ANKRD44: variants seen among roughly 807,000 people sequenced by gnomAD.
The protein encoded by ANKRD44 is ankyrin repeat domain 44, also known as serine/threonine-protein phosphatase 6 regulatory ankyrin repeat subunit B.
ANKRD44 carries 35 observed loss-of-function variants against 116.0 expected under a neutral mutation model. The observed-to-expected ratio is 0.30, with a 90% CI of 0.23 to 0.40. ANKRD44 has a LOEUF of 0.40. Ranked by LOEUF, ANKRD44 falls within the 10% of genes least tolerant of loss-of-function variation. The probability of loss-of-function intolerance (pLI) is 1.00; values close to 1 mark genes in which losing one functional copy is unlikely to be tolerated. For synonymous variants in ANKRD44, 435 were observed against 461.8 expected (o/e 0.94, Z 0.74); for missense variants, 1,014 against 1,242.6 (o/e 0.82, Z 2.77).
intron 1 of ANKRD44, among the ~76,000 whole-genome samples, chr2:197,270,295 G>T (rs2082862562): frequency 6.6e-6 from 1 of 152,100 alleles, no homozygotes; most frequent in African/African-American, 2.4e-5. Context: ...CAGATGTGGA[G>T]GAGAGAGAAC....
At chr2:197,051,560 C>T (rs766973032) in intron 16 of ANKRD44, among the ~76,000 whole-genome samples, 1 of 152,176 alleles carries the variant, frequency 6.6e-6, no homozygotes, top group Non-Finnish European at 1.5e-5. Flanking sequence ...ACAACACACA[C>T]CCAGCTTATT....
At position 197,129,291 on chromosome 2, in the gene ANKRD44, G is replaced by A. The variant is rs138738905; in HGVS notation, c.262-3254C>T. Among the ~76,000 whole-genome samples the A allele has an allele frequency of 9.4e-3, 1,426 of 152,088 alleles. 6 individuals are homozygous for A. The highest frequency in any genetic ancestry group is 0.013 in the Non-Finnish European group (908 of 67,988). ...TGGGATTATAGGCATGCGCCACCAC[G>A]TCCAGCTAATTTTTTTGTATTTTTA... is the stretch of plus-strand genomic sequence containing the variant. On this transcript the variant is annotated intron_variant, in intron 4 of 27. Coordinates refer to ENST00000282272, the MANE Select transcript of ANKRD44 (RefSeq NM_001195144.2).
At position 196,989,515 on chromosome 2, in the gene ANKRD44, C is replaced by CAG; in HGVS notation, c.*75_*76insCT. 7 of 1,470,052 alleles carry CAG rather than the reference C, an allele frequency of 4.8e-6. No homozygotes were observed. Among genetic ancestry groups the CAG allele is most frequent in the Non-Finnish European group, 6.3e-6 (7 of 1,106,124 alleles). 91.1% of individuals were successfully genotyped at this position (1,470,052 alleles called of 1,614,324 possible). ...GTGTAGCTGGCTGATGAACTACACA[C>CAG]ACACACACATATATATATATATACA... On this transcript the variant is annotated 3_prime_UTR_variant, in exon 28 of 28. Coordinates refer to ENST00000282272, the MANE Select transcript of ANKRD44 (RefSeq NM_001195144.2).
In ANKRD44 at chr2:197,121,563, C is replaced by T; in HGVS notation, c.694-19G>A. The stretch of plus-strand genomic sequence containing the variant: ...CATCAATCTGCAAAAGAGTCCAACA[C>T]AGGGTGATTAAAGTCATTAGAGCCA... On this transcript the variant is annotated intron_variant, in intron 7 of 27. Transcript: ENST00000282272. 5 of 1,608,092 alleles carry T rather than the reference C, an allele frequency of 3.1e-6. No homozygotes were observed. Among genetic ancestry groups the T allele is most frequent in the Non-Finnish European group, 4.3e-6 (5 of 1,175,392 alleles).
At chr2:197,245,271 T>C (rs531028128) in intron 1 of ANKRD44, among the ~76,000 whole-genome samples, 1 of 152,100 alleles carries the variant, frequency 6.6e-6, no homozygotes, top group African/African-American at 2.4e-5. Context: ...ATAATAATAA[T>C]AATACAAATA....
At position 196,988,722 on chromosome 2, in the gene ANKRD44, A is replaced by C. The variant is rs1009113734; in HGVS notation, c.*869T>G. 7.1e-6 allele frequency: 7 copies of C among 985,448 alleles called. No individual in the cohort carries two copies. In the South Asian group the frequency reaches 2.3e-4, roughly 33 times the overall value. The allele number at this position is 985,448 out of a possible 1,614,324, so 61.0% of individuals were successfully genotyped here. ...TAAAACGTCAGAGAGTACTGCTCTA[A>C]TTCGACACATTTCTTTTCTGTCTCT... On this transcript the variant is annotated 3_prime_UTR_variant, in exon 28 of 28. Coordinates refer to ENST00000282272, the MANE Select transcript of ANKRD44 (RefSeq NM_001195144.2).
chr2:197,271,011 C>T (rs896908393), intron 1 of ANKRD44, among the ~76,000 whole-genome samples: 28 of 152,320 alleles, frequency 1.8e-4, no homozygotes, highest in African/African-American at 6.7e-4. Context: ...CGTGCAGCTG[C>T]CCAGGGACCT....
intron 16 of ANKRD44, among the ~76,000 whole-genome samples, chr2:197,060,065 G>T (rs758911558): frequency 2.6e-5 from 4 of 152,158 alleles, no homozygotes; most frequent in Non-Finnish European, 5.9e-5. Flanking sequence ...GTCCCCTAAA[G>T]TCTCACAGCG....
chr2:197,132,402 G>A (rs2079115401), intron 4 of ANKRD44, among the ~76,000 whole-genome samples: 1 of 152,186 alleles, frequency 6.6e-6, no homozygotes. Flanking sequence ...CATAATGTCA[G>A]GCATGGATTC....
chr2:196,979,561 T>C (rs899313336), intron 21 of ANKRD44, among the ~76,000 whole-genome samples: 2 of 137,788 alleles, frequency 1.5e-5, no homozygotes, highest in African/African-American at 5.4e-5. Flanking sequence ...TGACTTTTTT[T>C]TTTTTTTTTT....
chr2:197,205,232 A>T (rs545244277), intron 1 of ANKRD44, among the ~76,000 whole-genome samples: 2 of 152,194 alleles, frequency 1.3e-5, no homozygotes, highest in Non-Finnish European at 2.9e-5. Flanking sequence ...TGCTGGGTCA[A>T]ATGTTATTTC....
At chr2:196,991,588 AT>A (rs537258670) in intron 27 of ANKRD44, among the ~76,000 whole-genome samples, 12 of 149,648 alleles carry the variant, frequency 8.0e-5, no homozygotes, top group Non-Finnish European at 1.2e-4. Flanking sequence ...AATTTAACAA[AT>A]TTTTTTTTTG....
intron 1 of ANKRD44, among the ~76,000 whole-genome samples, chr2:197,231,344 C>T (rs2081858148): frequency 6.6e-6 from 1 of 152,032 alleles, no homozygotes; most frequent in African/African-American, 2.4e-5. Flanking sequence ...GTAAGAAGTT[C>T]ATTGAGCCCA....
chr2:197,013,740 T>C (rs371720315), intron 17 of ANKRD44, 28 bp from the exon 18 acceptor site: 1 of 1,611,024 alleles, frequency 6.2e-7, no homozygotes, highest in South Asian at 1.1e-5. Context: ...ATGGCTCCCA[T>C]GCTTGCTCGC....
At chr2:197,058,745 C>G (rs892012729) in intron 16 of ANKRD44, among the ~76,000 whole-genome samples, 2 of 152,216 alleles carry the variant, frequency 1.3e-5, no homozygotes, top group African/African-American at 4.8e-5. Flanking sequence ...CCATTATCCA[C>G]ATTTGTTAAT....
intron 1 of ANKRD44, among the ~76,000 whole-genome samples, chr2:197,300,467 AC>A (rs1020566866): frequency 2.0e-5 from 3 of 151,980 alleles, no homozygotes; most frequent in Non-Finnish European, 4.4e-5. Context: ...CCTAATCAAT[AC>A]CCCTAAGCAT....
At chr2:197,015,590 AT>A in intron 17 of ANKRD44, 1 of 532,384 alleles carries the variant, frequency 1.9e-6, no homozygotes, top group Non-Finnish European at 3.4e-6. Context: ...GGAGGAAGTA[AT>A]TTTGGCTGTG....
At chr2:197,108,525 T>C (rs536305696) in intron 9 of ANKRD44, among the ~76,000 whole-genome samples, 4 of 152,198 alleles carry the variant, frequency 2.6e-5, no homozygotes, top group Non-Finnish European at 5.9e-5. Flanking sequence ...AGGGTCTCTT[T>C]TAGGTCTCCC....
chr2:197,076,359 T>C (rs747658439), intron 16 of ANKRD44, among the ~76,000 whole-genome samples: 10 of 152,180 alleles, frequency 6.6e-5, no homozygotes, highest in Non-Finnish European at 1.3e-4. Flanking sequence ...AGTTAATTGG[T>C]TTGCTTTCCT....
Sources: gnomAD v4.1 joint callset for allele counts (sites outside exome capture counted in the v4.1 genomes callset) on GRCh38, gnomAD v4.1.1 for gene constraint, MANE v1.5 for transcripts, NCBI Gene and HGNC (gene_info 2026-07-23, HGNC 2026-07-21) for gene names.